GSK3B: variants seen among roughly 807,000 people sequenced by gnomAD.
GSK3B encodes glycogen synthase kinase-3 beta.
Under a neutral mutation model 56.4 loss-of-function variants are expected in GSK3B, and 15 were observed. That is an observed-to-expected ratio of 0.27 (90% CI 0.18 to 0.41). The LOEUF (loss-of-function observed/expected upper bound fraction) is 0.41, where lower values mean the gene tolerates loss of function less well. Ranked by LOEUF, GSK3B falls within the 10% of genes least tolerant of loss-of-function variation. GSK3B has a pLI of 1.00. For synonymous variants in GSK3B, 181 were observed against 188.9 expected (o/e 0.96, Z 0.34); for missense variants, 300 against 513.4 (o/e 0.58, Z 4.02).
At chr3:119,936,352 A>ATTT (rs1291441909) in intron 3 of GSK3B, among the ~76,000 whole-genome samples, 3 of 99,350 alleles carry the variant, frequency 3.0e-5, no homozygotes, top group African/African-American at 2.1e-4. Context: ...ATATATATAT[A>ATTT]TATTTTTTTT....
chr3:120,022,169 C>T lies in GSK3B; in HGVS notation c.89-19930G>A, dbSNP rs1212230528. On this transcript the variant is annotated intron_variant, in intron 1 of 10. Transcript: ENST00000264235. ...TAAACAATTGGCACAGCCACCCTAGCCTTCAGCAACCACCACCCTAATCAG... is the reference window on the plus strand; with the variant it reads ...TAAACAATTGGCACAGCCACCCTAGTCTTCAGCAACCACCACCCTAATCAG... 2.0e-5 allele frequency among the ~76,000 whole-genome samples: 3 copies of T among 152,338 alleles called. No individual in the cohort carries two copies. In the East Asian group the frequency reaches 5.8e-4, roughly 29 times the overall value.
At chr3:119,960,100 T>A (rs2057256748) in intron 2 of GSK3B, among the ~76,000 whole-genome samples, 1 of 140,260 alleles carries the variant, frequency 7.1e-6, no homozygotes, top group Admixed American at 7.4e-5. Flanking sequence ...AAAGAAACAA[T>A]TATTGATCCA....
At chr3:119,876,242 G>A (rs754738644) in intron 8 of GSK3B, among the ~76,000 whole-genome samples, 171 bp downstream of exon 8, 4 of 152,002 alleles carry the variant, frequency 2.6e-5, no homozygotes, top group African/African-American at 7.2e-5. Context: ...AATCAATGAG[G>A]ATGAAACTAT....
chr3:120,094,365 T>A lies in GSK3B; in HGVS notation c.-931A>T. 3.4e-6 allele frequency: 1 copy of A among 297,672 alleles called. No homozygotes were observed. The highest frequency in any genetic ancestry group is 6.3e-6 in the Non-Finnish European group (1 of 159,912). 18.4% of individuals were successfully genotyped at this position (297,672 alleles called of 1,614,324 possible). On this transcript the variant is annotated 5_prime_UTR_variant, in exon 1 of 11. The change creates a new upstream start codon in the 5' untranslated region. Coordinates refer to ENST00000264235, the MANE Select transcript of GSK3B (RefSeq NM_001146156.2). ...GGCCGGCTCCTCCTCGCTTCCTTCC[T>A]TCCTTTGTCACTTGGCCCGGGCGGC...
intron 1 of GSK3B, among the ~76,000 whole-genome samples, chr3:120,033,362 T>C (rs1437424123): frequency 1.3e-5 from 2 of 152,262 alleles, no homozygotes; most frequent in Non-Finnish European, 2.9e-5. Context: ...CTAGGTTATA[T>C]GGTAACTCTA....
At chr3:120,051,421 T>C (rs1236729364) in intron 1 of GSK3B, among the ~76,000 whole-genome samples, 2 of 152,144 alleles carry the variant, frequency 1.3e-5, no homozygotes, top group African/African-American at 4.8e-5. Flanking sequence ...GTAGACTGGA[T>C]TTACTTTATC....
At chr3:120,081,679 T>C (rs746483996) in intron 1 of GSK3B, among the ~76,000 whole-genome samples, 3 of 152,198 alleles carry the variant, frequency 2.0e-5, no homozygotes, top group Non-Finnish European at 2.9e-5. Context: ...CATGACAAAC[T>C]GCCTTCAACT....
intron 7 of GSK3B, among the ~76,000 whole-genome samples, chr3:119,878,540 A>G (rs892372249): frequency 2.4e-4 from 36 of 152,222 alleles, no homozygotes; most frequent in Non-Finnish European, 5.9e-5. Flanking sequence ...CACCTTGGAA[A>G]ACAGTTTGGA....
intron 1 of GSK3B, chr3:120,029,783 GT>G: frequency 1.8e-6 from 1 of 554,738 alleles, no homozygotes; most frequent in Non-Finnish European, 3.7e-6. Context: ...GTCATTAACT[GT>G]TTTGGAAGAA....
chr3:119,934,703 T>C (rs983255418), intron 3 of GSK3B, among the ~76,000 whole-genome samples: 2 of 152,150 alleles, frequency 1.3e-5, no homozygotes. Flanking sequence ...AGGGGAAACT[T>C]TGCAGGGTCT....
intron 8 of GSK3B, among the ~76,000 whole-genome samples, chr3:119,868,425 C>T (rs2056210165): frequency 6.6e-6 from 1 of 152,144 alleles, no homozygotes; most frequent in Non-Finnish European, 1.5e-5. Context: ...ATGACAGAGG[C>T]AATTTCTGCC....
At chr3:119,908,365 T>C (rs1328938524) in intron 6 of GSK3B, among the ~76,000 whole-genome samples, 1 of 152,200 alleles carries the variant, frequency 6.6e-6, no homozygotes, top group Non-Finnish European at 1.5e-5. Context: ...GAAAATCCAA[T>C]GACATACCCA....
chr3:119,961,893 C>T (rs866379076), intron 2 of GSK3B, among the ~76,000 whole-genome samples: 3 of 152,238 alleles, frequency 2.0e-5, no homozygotes, highest in African/African-American at 2.4e-5. Context: ...ATAGGCTATG[C>T]GATACATGAC....
At chr3:119,891,841 G>C (rs570963259) in intron 7 of GSK3B, among the ~76,000 whole-genome samples, 1 of 152,244 alleles carries the variant, frequency 6.6e-6, no homozygotes, top group Non-Finnish European at 1.5e-5. Context: ...TAGAACTCAT[G>C]ATCTTTTCAT....
chr3:120,043,737 A>G (rs906027256), intron 1 of GSK3B, among the ~76,000 whole-genome samples: 19 of 152,178 alleles, frequency 1.2e-4, no homozygotes, highest in Non-Finnish European at 2.9e-5. Flanking sequence ...TATTTCCATT[A>G]ATACTCCTAC....
At chr3:119,975,284 T>C (rs1255744435) in intron 2 of GSK3B, among the ~76,000 whole-genome samples, 1 of 152,054 alleles carries the variant, frequency 6.6e-6, no homozygotes, top group Non-Finnish European at 1.5e-5. Flanking sequence ...CAGTCTCTAC[T>C]AAAAATACAA....
chr3:119,965,354 G>A (rs915383985), intron 2 of GSK3B, among the ~76,000 whole-genome samples: 6 of 149,372 alleles, frequency 4.0e-5, no homozygotes, highest in Admixed American at 2.0e-4. Context: ...GTTAGCCACC[G>A]TGCCCAGCCA....
At chr3:119,914,381 T>C (rs1340563291) in intron 5 of GSK3B, among the ~76,000 whole-genome samples, 2 of 152,070 alleles carry the variant, frequency 1.3e-5, no homozygotes, top group Non-Finnish European at 2.9e-5. Context: ...TCCAAATTTA[T>C]CAGAATAAAG....
chr3:119,836,343 T>A (rs2055689830), intron 10 of GSK3B, among the ~76,000 whole-genome samples: 2 of 152,126 alleles, frequency 1.3e-5, no homozygotes, highest in African/African-American at 4.8e-5. Context: ...ACAGACCTCA[T>A]CCAAATGTTA....
Sources: allele counts gnomAD v4.1 joint callset (sites outside exome capture counted in the v4.1 genomes callset), GRCh38; gene constraint gnomAD v4.1.1; transcripts MANE v1.5; gene names NCBI Gene and HGNC (gene_info 2026-07-23, HGNC 2026-07-21).